The following COL18A1 variants were observed in gnomAD, a reference collection of about 807,000 sequenced individuals.
COL18A1 encodes the protein collagen type XVIII alpha 1 chain.
A neutral mutation model predicts 168.0 loss-of-function variants in COL18A1; 133 were observed. That is an observed-to-expected ratio of 0.79 (90% confidence interval 0.69 to 0.91). The LOEUF (loss-of-function observed/expected upper bound fraction) is 0.91, where lower values mean the gene tolerates loss of function less well. Among genes scored for constraint, COL18A1 ranks in the 40% least tolerant of loss-of-function variants. The probability of loss-of-function intolerance (pLI) is 0.00; values close to 1 mark genes in which losing one functional copy is unlikely to be tolerated. For synonymous variants in COL18A1, 949 were observed against 809.0 expected (o/e 1.17, Z -2.94); for missense variants, 2,126 against 1,925.4 (o/e 1.10, Z -1.95).
rs1205657452 is a variant in COL18A1, at chr21:45,505,150, G to A, written c.2885G>A (p.Ser962Asn). The change falls in exon 35 of 42, where the codon AGC (serine) becomes AAC (asparagine). Residue 962 changes from serine to asparagine, a missense_variant. Physicochemically the swap from Ser to Asn is conservative, Grantham distance 46. Transcript: ENST00000651438. ...CGTCCGTAGGGTCCCAAGGGAGAGAGCATCCGGGGCCAGCCCGGCCCACCT... is the reference window on the plus strand; with the variant it reads ...CGTCCGTAGGGTCCCAAGGGAGAGAACATCCGGGGCCAGCCCGGCCCACCT... ...YPGIPGPKGE[S>N]IRGQPGPPGP... is the part of the protein sequence containing the mutation. 2.5e-6 allele frequency: 4 copies of A among 1,609,158 alleles called. No individual in the cohort carries two copies. Among genetic ancestry groups the A allele is most frequent in the Non-Finnish European group, 3.4e-6 (4 of 1,178,784 alleles).
Position 45,505,820 on chromosome 21 carries a change from T to C in COL18A1, c.3088-18T>C, listed in dbSNP as rs558927480. ...CCCTCCCCGCCAAGCCCCACACCTCTGCATTTGGTCCCAGCAGGTGAGGCT... is the reference window on the plus strand; with the variant it reads ...CCCTCCCCGCCAAGCCCCACACCTCCGCATTTGGTCCCAGCAGGTGAGGCT... On this transcript the variant is annotated intron_variant, in intron 36 of 41. Coordinates refer to ENST00000651438, the MANE Select transcript of COL18A1 (RefSeq NM_001379500.1). 4.9e-5 allele frequency: 63 copies of C among 1,276,610 alleles called. No individual in the cohort carries two copies. The South Asian group carries it at 6.9e-4, about 14-fold the overall frequency. The allele number at this position is 1,276,610 out of a possible 1,614,324, so 79.1% of individuals were successfully genotyped here. A position where few individuals can be genotyped will look rare whatever the true frequency, so the allele number is the denominator to read the frequency against.
intron 2 of COL18A1, among the ~76,000 whole-genome samples, chr21:45,445,203 C>G (rs1283303949): frequency 6.6e-6 from 1 of 152,200 alleles, no homozygotes; most frequent in Non-Finnish European, 1.5e-5. Flanking sequence ...CGAATTAAAC[C>G]ATGGAACGTG....
At position 45,481,945 on chromosome 21, in the gene COL18A1, T is replaced by G. The variant is rs1282858485; in HGVS notation, c.1612-18T>G. 10 of 1,596,954 alleles carry G rather than the reference T, an allele frequency of 6.3e-6. No individual in the cohort carries two copies. The highest frequency in any genetic ancestry group is 7.7e-6 in the Non-Finnish European group (9 of 1,164,494). On this transcript the variant is annotated intron_variant, in intron 13 of 41. Transcript: ENST00000651438. ...GGCCGAATGCCATCAAGACCCACTA[T>G]GCTCTGCTCTCCCCCAGGGACCCCC...
At chr21:45,459,712 C>T (rs2034977947) in intron 2 of COL18A1, among the ~76,000 whole-genome samples, 1 of 152,206 alleles carries the variant, frequency 6.6e-6, no homozygotes. Flanking sequence ...AGTGAGGCCC[C>T]CTCACACGGG....
At chr21:45,488,083 G>T (rs1334138545) in intron 17 of COL18A1, among the ~76,000 whole-genome samples, 1 of 152,148 alleles carries the variant, frequency 6.6e-6, no homozygotes, top group East Asian at 1.9e-4. Flanking sequence ...CGCCAGCATG[G>T]AGGAGCCCCC....
chr21:45,425,767 G>A lies in COL18A1; in HGVS notation c.106+20294G>A, dbSNP rs1303192090. 1.3e-5 allele frequency among the ~76,000 whole-genome samples: 2 copies of A among 152,158 alleles called. No homozygotes were observed. Among genetic ancestry groups the A allele is most frequent in the Admixed American group, 1.3e-4 (2 of 15,278 alleles). ...CATCCTCCCCAGGGTGGTCTGGCAG[G>A]GGACACTGTTTTCCAAAGCAAAGCC... On this transcript the variant is annotated intron_variant, in intron 2 of 41. Coordinates refer to ENST00000651438, the MANE Select transcript of COL18A1 (RefSeq NM_001379500.1). The surrounding 1 kb of genome is among the most constrained non-coding windows in gnomAD (Gnocchi z 4.1).
chr21:45,510,832 C>T (rs1360471202), intron 40 of COL18A1, among the ~76,000 whole-genome samples: 3 of 152,154 alleles, frequency 2.0e-5, no homozygotes, highest in Non-Finnish European at 4.4e-5. Context: ...CTGCCTTAGC[C>T]AAGGCCTCTT....
intron 11 of COL18A1, 67 bp downstream of exon 11, chr21:45,480,223 G>A: frequency 8.7e-7 from 1 of 1,155,358 alleles, no homozygotes. Flanking sequence ...ACTGCCTCTG[G>A]CCCAGAAGTA....
chr21:45,482,983 G>A (rs1035925568), intron 15 of COL18A1, among the ~76,000 whole-genome samples, 162 bp downstream of exon 15: 6 of 152,216 alleles, frequency 3.9e-5, no homozygotes, highest in Non-Finnish European at 5.9e-5. Flanking sequence ...TGCCGGAATC[G>A]CGGGCAGCAG....
In COL18A1 at chr21:45,509,379, G is replaced by GC. The variant is rs1344008575; in HGVS notation, c.3279dup (p.Val1094ArgfsTer27). ...AGGACAATGAAGTGGCCGCCTTGCA[G>GC]CCCCCCGTGGTGCAGCTGCACGACA... On this transcript the variant is annotated frameshift_variant, in exon 39 of 42. Transcript: ENST00000651438. LOFTEE classifies it high-confidence loss of function. 3.9e-6 allele frequency: 6 copies of GC among 1,542,258 alleles called. No individual in the cohort carries two copies. The highest frequency in any genetic ancestry group is 2.4e-5 in the East Asian group (1 of 41,038).
intron 2 of COL18A1, among the ~76,000 whole-genome samples, chr21:45,466,222 C>T (rs555171453): frequency 4.6e-5 from 7 of 152,280 alleles, no homozygotes; most frequent in East Asian, 3.9e-4. Flanking sequence ...GTGAGAACAG[C>T]GGAGAGTCCC....
chr21:45,475,452 C>T, intron 4 of COL18A1, 24 bp from the exon 5 acceptor site: 1 of 1,581,722 alleles, frequency 6.3e-7, no homozygotes, highest in Non-Finnish European at 8.6e-7. Context: ...ATCTCTCCAG[C>T]CTTTCCCTTT....
At chr21:45,449,519 G>A (rs143144107) in intron 2 of COL18A1, among the ~76,000 whole-genome samples, 337 of 152,236 alleles carry the variant, frequency 2.2e-3, no homozygotes, top group African/African-American at 7.8e-3. Context: ...TCGTGGAATC[G>A]GGGGACAGAA....
chr21:45,416,501 G>A (rs2033449785), intron 2 of COL18A1, among the ~76,000 whole-genome samples: 1 of 152,178 alleles, frequency 6.6e-6, no homozygotes, highest in Admixed American at 6.5e-5. Flanking sequence ...GCCCCTAGGT[G>A]TTGAACCTGA....
intron 2 of COL18A1, chr21:45,407,941 A>G (rs2033166990): frequency 6.6e-6 from 1 of 152,264 alleles, no homozygotes; most frequent in South Asian, 2.1e-4. Context: ...GGCTCACCCC[A>G]GGGCACACGG....
intron 32 of COL18A1, chr21:45,502,833 A>T (rs1038821600): frequency 6.6e-6 from 1 of 152,202 alleles, no homozygotes. Flanking sequence ...GGGAGGAAAG[A>T]AGCGCGTTGC....
chr21:45,469,216 T>C (rs2035324610), intron 3 of COL18A1, among the ~76,000 whole-genome samples: 1 of 152,230 alleles, frequency 6.6e-6, no homozygotes, highest in African/African-American at 2.4e-5. Flanking sequence ...TCCCGGCCTC[T>C]GACCGGCCGG....
intron 2 of COL18A1, chr21:45,455,519 C>G: frequency 1.2e-6 from 2 of 1,612,036 alleles, no homozygotes; most frequent in Non-Finnish European, 1.7e-6. Context: ...CAGCTCCAGC[C>G]GCACTGCCCC....
chr21:45,470,239 T>C (rs2035362074), intron 3 of COL18A1, among the ~76,000 whole-genome samples: 1 of 152,180 alleles, frequency 6.6e-6, no homozygotes, highest in Non-Finnish European at 1.5e-5. Flanking sequence ...GACTTTCATT[T>C]TGTCACTTGT....
Sources: allele counts gnomAD v4.1 joint callset (sites outside exome capture counted in the v4.1 genomes callset), GRCh38; gene constraint gnomAD v4.1.1; non-coding constraint Gnocchi (gnomAD v3.1); transcripts MANE v1.5; gene names NCBI Gene and HGNC (gene_info 2026-07-23, HGNC 2026-07-21).